Variants in TPO observed in about 807,000 individuals in gnomAD.
The protein encoded by TPO is thyroid microsomal antigen.
In TPO, 78 loss-of-function variants were observed where a neutral mutation model predicts 96.9. That is an observed-to-expected ratio of 0.81 (90% CI 0.67 to 0.97). The LOEUF (loss-of-function observed/expected upper bound fraction) is 0.97. TPO is among the 50% of genes least tolerant of loss of function. The pLI, the probability that TPO is intolerant of heterozygous loss-of-function variation, is 0.00. For synonymous variants in TPO, 547 were observed against 538.0 expected, an observed-to-expected ratio of 1.02 and a Z score of -0.23; for missense variants, 1,252 against 1,274.8, an observed-to-expected ratio of 0.98 and a Z score of 0.27.
At chr2:1,494,645 A>G (rs1672148441) in intron 11 of TPO, among the ~76,000 whole-genome samples, 1 of 152,250 alleles carries the variant, frequency 6.6e-6, no homozygotes, top group South Asian at 2.1e-4. Context: ...CTCTGAGTGC[A>G]TGCCCCCCGT....
At chr2:1,538,335 C>T (rs1200502401) in intron 15 of TPO, among the ~76,000 whole-genome samples, 1 of 152,206 alleles carries the variant, frequency 6.6e-6, no homozygotes. Context: ...CGGGCATACC[C>T]TGTCCTTGTT....
At chr2:1,391,413 T>C (rs567815143) in intron 1 of TPO, among the ~76,000 whole-genome samples, 35 of 152,364 alleles carry the variant, frequency 2.3e-4, no homozygotes, top group African/African-American at 7.5e-4. Context: ...TTTTGGTTAC[T>C]GTAGCCTCAT....
At chr2:1,430,217 A>G (rs1664839452) in intron 3 of TPO, among the ~76,000 whole-genome samples, 1 of 152,176 alleles carries the variant, frequency 6.6e-6, no homozygotes, top group African/African-American at 2.4e-5. Flanking sequence ...CCTGTATCCC[A>G]GCTACTCTGG....
chr2:1,474,596 A>G (rs1669726311), intron 7 of TPO, among the ~76,000 whole-genome samples: 1 of 152,208 alleles, frequency 6.6e-6, no homozygotes, highest in African/African-American at 2.4e-5. Flanking sequence ...CACCTTGTCT[A>G]TCTCTTCCAT....
In TPO at chr2:1,456,059, G is replaced by A. The variant is rs750531656; in HGVS notation, c.613-17G>A. 168 of 1,611,978 alleles carry A rather than the reference G, an allele frequency of 1.0e-4. 1 individual carries two copies. The highest frequency in any genetic ancestry group is 4.3e-5 in the Non-Finnish European group (51 of 1,179,118). On this transcript the variant is annotated splice_polypyrimidine_tract_variant and intron_variant, in intron 6 of 16. Coordinates refer to ENST00000329066, the MANE Select transcript of TPO (RefSeq NM_001206744.2). ...AGGGTCCTCCTATGTCCTGACCAAT[G>A]GTCTCTTCCTACCCAGGTCCGGGAG...
chr2:1,436,038 C>T (rs1381833771), intron 4 of TPO, among the ~76,000 whole-genome samples: 2 of 152,154 alleles, frequency 1.3e-5, no homozygotes, highest in Non-Finnish European at 2.9e-5. Flanking sequence ...AATTTTAAAA[C>T]CCCCACATTT....
At chr2:1,418,877 C>T (rs1663217945) in intron 2 of TPO, among the ~76,000 whole-genome samples, 1 of 152,200 alleles carries the variant, frequency 6.6e-6, no homozygotes, top group South Asian at 2.1e-4. Context: ...TTTCAACAAA[C>T]AGCAAGGATT....
intron 5 of TPO, among the ~76,000 whole-genome samples, chr2:1,449,749 T>C (rs755298168): frequency 6.6e-6 from 1 of 152,148 alleles, no homozygotes; most frequent in African/African-American, 2.4e-5. Context: ...ATATGATGGG[T>C]ATAAACAATG....
At chr2:1,397,923 G>A (rs778583711) in intron 1 of TPO, among the ~76,000 whole-genome samples, 1 of 152,096 alleles carries the variant, frequency 6.6e-6, no homozygotes, top group Non-Finnish European at 1.5e-5. Context: ...GCGTACCTGG[G>A]GTCAAAACTT....
intron 5 of TPO, among the ~76,000 whole-genome samples, chr2:1,451,763 T>G (rs17731324): frequency 0.3 from 46,113 of 152,072 alleles, 7,477 homozygotes; most frequent in Admixed American, 0.35. Context: ...GTATTTATTT[T>G]TAACAAAAGG....
At chr2:1,376,931 G>A (rs1053135943) in intron 1 of TPO, among the ~76,000 whole-genome samples, 6 of 152,118 alleles carry the variant, frequency 3.9e-5, no homozygotes, top group Non-Finnish European at 8.8e-5. Context: ...AAAAACCAGT[G>A]AAGACAGCTT....
intron 15 of TPO, among the ~76,000 whole-genome samples, chr2:1,528,812 AGCAACCTCCCCAAATCCTCCTACTGTGT>A (rs1677265675): frequency 1.6e-4 from 5 of 30,958 alleles, no homozygotes; most frequent in Admixed American, 8.3e-4. Context: ...CCCCACTGTG[AGCAACCTCCCCAAATCCTCCTACTGTGT>A]GCAACCTCCT....
At chr2:1,510,612 C>T (rs1388130919) in intron 14 of TPO, among the ~76,000 whole-genome samples, 1 of 152,190 alleles carries the variant, frequency 6.6e-6, no homozygotes, top group Admixed American at 6.5e-5. Flanking sequence ...GTCTCTTCCT[C>T]CTCCCGGAGA....
chr2:1,431,271 T>G (rs1184679941), intron 3 of TPO, among the ~76,000 whole-genome samples: 2 of 152,158 alleles, frequency 1.3e-5, no homozygotes, highest in African/African-American at 2.4e-5. Flanking sequence ...CCTGCCCGCT[T>G]GACCTCTTGC....
At chr2:1,376,061 G>T (rs572713916) in intron 1 of TPO, among the ~76,000 whole-genome samples, 2 of 152,208 alleles carry the variant, frequency 1.3e-5, no homozygotes, top group Non-Finnish European at 2.9e-5. Flanking sequence ...CACGTGCATC[G>T]TGGTAATTCC....
chr2:1,437,471 G>A (rs890834753), intron 5 of TPO, among the ~76,000 whole-genome samples: 1 of 152,174 alleles, frequency 6.6e-6, no homozygotes, highest in African/African-American at 2.4e-5. Context: ...AGGGATCAGC[G>A]GGACCCAGGC....
At chr2:1,408,222 T>G (rs937143367) in intron 1 of TPO, among the ~76,000 whole-genome samples, 1 of 152,236 alleles carries the variant, frequency 6.6e-6, no homozygotes, top group Non-Finnish European at 1.5e-5. Context: ...GTTGAGCGGA[T>G]AGCTGAGGCT....
chr2:1,433,546 A>T lies in TPO; in HGVS notation c.288A>T (p.Thr96=), dbSNP rs1234103667. 1 of 1,614,250 alleles carries T rather than the reference A, an allele frequency of 6.2e-7. No homozygotes were observed. The highest frequency in any genetic ancestry group is 8.5e-7 in the Non-Finnish European group (1 of 1,180,050). The change falls in exon 4 of 17, where the codon ACA becomes ACT. Residue 96 remains threonine (T), a synonymous_variant. Transcript: ENST00000329066. ...VIARAAEIME[T]SIQAMKRKVN... ...CCCGAGCAGCAGAGATAATGGAAAC[A>T]TCAATACAAGCGATGAAAAGAAAAG...
chr2:1,473,265 G>A (rs1270977039), intron 7 of TPO, among the ~76,000 whole-genome samples: 5 of 152,180 alleles, frequency 3.3e-5, no homozygotes, highest in African/African-American at 1.2e-4. Context: ...ACAGTGGACA[G>A]TCTGGGTGCG....
Sources: allele counts gnomAD v4.1 joint callset (sites outside exome capture counted in the v4.1 genomes callset), GRCh38; gene constraint gnomAD v4.1.1; transcripts MANE v1.5; gene names NCBI Gene and HGNC (gene_info 2026-07-23, HGNC 2026-07-21).